RORA: variants seen among roughly 807,000 people sequenced by gnomAD.
The protein encoded by RORA is RAR related orphan receptor A, also known as nuclear receptor ROR-alpha.
RORA carries 7 observed loss-of-function variants against 69.5 expected under a neutral mutation model. That is an observed-to-expected ratio of 0.10 (90% confidence interval 0.06 to 0.19). The LOEUF is 0.19. RORA is among the 10% of genes least tolerant of loss of function. RORA has a pLI of 1.00. For synonymous variants in RORA, 261 were observed against 240.8 expected (o/e 1.08, Z -0.78); for missense variants, 457 against 663.0 (o/e 0.69, Z 3.41).
At chr15:60,775,415 T>G (rs1002614032) in intron 1 of RORA, among the ~76,000 whole-genome samples, 3 of 152,244 alleles carry the variant, frequency 2.0e-5, no homozygotes, top group African/African-American at 7.2e-5. Context: ...CTTGAACAGA[T>G]CTGCAGTTTT....
intron 1 of RORA, among the ~76,000 whole-genome samples, chr15:61,001,869 A>C (rs1270080760): frequency 2.0e-5 from 3 of 152,252 alleles, no homozygotes; most frequent in Non-Finnish European, 4.4e-5. Context: ...AACCAAGAAC[A>C]GAACGACAAG....
chr15:61,175,690 C>A (rs2079623144), intron 1 of RORA, among the ~76,000 whole-genome samples: 1 of 151,936 alleles, frequency 6.6e-6, no homozygotes, highest in African/African-American at 2.4e-5. Flanking sequence ...GCACTCCAAC[C>A]CGGGACACAG....
intron 2 of RORA, among the ~76,000 whole-genome samples, chr15:60,645,794 AG>A (rs2070030510): frequency 1.8e-5 from 2 of 109,168 alleles, no homozygotes; most frequent in Non-Finnish European, 3.6e-5. Context: ...TCAGTGAAAT[AG>A]GGTTTTTTTT....
intron 1 of RORA, among the ~76,000 whole-genome samples, chr15:60,908,710 A>G (rs1039807982): frequency 6.6e-6 from 1 of 151,952 alleles, no homozygotes; most frequent in Non-Finnish European, 1.5e-5. Flanking sequence ...TCCCTTCACC[A>G]CTGCCCCAGT....
intron 1 of RORA, among the ~76,000 whole-genome samples, chr15:60,880,967 AC>A (rs1383707951): frequency 6.6e-6 from 1 of 151,892 alleles, no homozygotes; most frequent in Non-Finnish European, 1.5e-5. Context: ...TCTATCTCTC[AC>A]CCCTATTTTA....
At chr15:60,917,258 C>T (rs1350226302) in intron 1 of RORA, among the ~76,000 whole-genome samples, 1 of 152,158 alleles carries the variant, frequency 6.6e-6, no homozygotes, top group African/African-American at 2.4e-5. Flanking sequence ...TTTTTCCTCC[C>T]ATCTGGTTAA....
intron 1 of RORA, among the ~76,000 whole-genome samples, chr15:61,172,199 A>G (rs905281792): frequency 1.3e-5 from 2 of 152,218 alleles, no homozygotes; most frequent in Non-Finnish European, 2.9e-5. Flanking sequence ...ACTGGAGCTT[A>G]TCTTTAAGAG....
intron 1 of RORA, among the ~76,000 whole-genome samples, chr15:61,053,833 G>A (rs537912164): frequency 2.7e-4 from 13 of 47,486 alleles, no homozygotes; most frequent in African/African-American, 1.2e-3. Flanking sequence ...AGCATGAAGA[G>A]TGTTTAGACT....
At chr15:60,772,832 C>T (rs2072098387) in intron 1 of RORA, among the ~76,000 whole-genome samples, 1 of 152,186 alleles carries the variant, frequency 6.6e-6, no homozygotes, top group African/African-American at 2.4e-5. Context: ...ACCCACATTC[C>T]AGGCTCAATT....
chr15:60,925,395 G>A (rs781488312), intron 1 of RORA, among the ~76,000 whole-genome samples: 26 of 152,184 alleles, frequency 1.7e-4, no homozygotes, highest in Non-Finnish European at 2.5e-4. Context: ...GGACCAGTAA[G>A]ACCAGCCAAG....
At chr15:61,056,829 T>C (rs1360691258) in intron 1 of RORA, among the ~76,000 whole-genome samples, 3 of 152,232 alleles carry the variant, frequency 2.0e-5, no homozygotes, top group South Asian at 4.1e-4. Context: ...TCACTACTTC[T>C]GCTGAGTACA....
At chr15:60,614,527 G>A (rs2069178648) in intron 2 of RORA, among the ~76,000 whole-genome samples, 1 of 152,158 alleles carries the variant, frequency 6.6e-6, no homozygotes, top group African/African-American at 2.4e-5. Flanking sequence ...GCATTGATGA[G>A]AAAGTCCCAA....
At chr15:60,830,265 T>G (rs2073024101) in intron 1 of RORA, among the ~76,000 whole-genome samples, 2 of 152,228 alleles carry the variant, frequency 1.3e-5, no homozygotes, top group South Asian at 4.1e-4. Flanking sequence ...ACAGATCAGC[T>G]TAAGGAATAA....
intron 1 of RORA, among the ~76,000 whole-genome samples, chr15:61,035,277 T>A (rs1156688980): frequency 6.6e-6 from 1 of 152,222 alleles, no homozygotes; most frequent in Admixed American, 6.5e-5. Context: ...ACTTCCCAAA[T>A]CTGCAAGATT....
chr15:60,501,192 G>A, intron 8 of RORA, 123 bp from the exon 9 acceptor site: 1 of 645,314 alleles, frequency 1.5e-6, no homozygotes, highest in Non-Finnish European at 2.8e-6. Flanking sequence ...AAAAACATGG[G>A]GAAGGTGAAG....
chr15:60,625,824 G>C (rs144452651), intron 2 of RORA, among the ~76,000 whole-genome samples: 1 of 152,328 alleles, frequency 6.6e-6, no homozygotes, highest in East Asian at 1.9e-4. Flanking sequence ...AAGGCATAAG[G>C]CTTACACCTC....
intron 1 of RORA, among the ~76,000 whole-genome samples, chr15:60,821,076 T>C (rs1437619774): frequency 2.0e-5 from 3 of 151,706 alleles, no homozygotes; most frequent in Non-Finnish European, 1.5e-5. Flanking sequence ...GTGTCACCAA[T>C]TACCTATTTC....
intron 2 of RORA, among the ~76,000 whole-genome samples, chr15:60,637,568 A>G (rs909575584): frequency 1.3e-5 from 2 of 152,096 alleles, no homozygotes; most frequent in Non-Finnish European, 2.9e-5. Context: ...TTTCAAAAAT[A>G]TTTCTTGAAT....
At chr15:60,992,416 C>A (rs1227993994) in intron 1 of RORA, among the ~76,000 whole-genome samples, 4 of 152,166 alleles carry the variant, frequency 2.6e-5, no homozygotes, top group Admixed American at 6.5e-5. Flanking sequence ...CTACACGACC[C>A]ATACATTACA....
Sources: allele counts gnomAD v4.1 joint callset (sites outside exome capture counted in the v4.1 genomes callset), GRCh38; gene constraint gnomAD v4.1.1; transcripts MANE v1.5; gene names NCBI Gene and HGNC (gene_info 2026-07-23, HGNC 2026-07-21).